Variants in PTN observed in about 807,000 individuals in gnomAD.
The protein encoded by PTN is heparin affin regulatory protein.
A neutral mutation model predicts 24.1 loss-of-function variants in PTN; 18 were observed. That is an observed-to-expected ratio of 0.75 (90% CI 0.52 to 1.11). PTN has a LOEUF of 1.11. Ranked by LOEUF, PTN falls within the 50% of genes least tolerant of loss-of-function variation. PTN has a pLI of 0.00. For missense variants in PTN, 163 were observed against 198.8 expected (o/e 0.82, Z 1.08); for synonymous variants, 78 against 68.6 (o/e 1.14, Z -0.67).
intron 1 of PTN, among the ~76,000 whole-genome samples, chr7:137,322,363 T>A (rs1810177519): frequency 2.6e-5 from 4 of 152,186 alleles, no homozygotes; most frequent in South Asian, 2.1e-4. Flanking sequence ...TATAGTTATT[T>A]TTTAGGAGTG....
intron 4 of PTN, among the ~76,000 whole-genome samples, chr7:137,242,059 G>A (rs1443623188): frequency 6.6e-6 from 1 of 152,130 alleles, no homozygotes; most frequent in East Asian, 1.9e-4. Flanking sequence ...AATGTTGGGG[G>A]GAACTTCTTT....
intron 4 of PTN, among the ~76,000 whole-genome samples, chr7:137,228,363 T>C (rs1228469342): frequency 6.6e-6 from 1 of 151,800 alleles, no homozygotes; most frequent in African/African-American, 2.4e-5. Flanking sequence ...GTTATCTTAC[T>C]GGTTGCCTTT....
intron 1 of PTN, chr7:137,326,516 A>C (rs1282462044): frequency 6.6e-6 from 1 of 152,188 alleles, no homozygotes; most frequent in East Asian, 1.9e-4. Context: ...TCATTTATTT[A>C]TTCATTCATC....
intron 1 of PTN, among the ~76,000 whole-genome samples, chr7:137,340,473 T>C (rs1810516688): frequency 6.6e-6 from 1 of 152,146 alleles, no homozygotes; most frequent in African/African-American, 2.4e-5. Flanking sequence ...GAATTGTCCA[T>C]AAACATCAGA....
chr7:137,264,686 C>A (rs1809106286), intron 1 of PTN, among the ~76,000 whole-genome samples: 1 of 152,206 alleles, frequency 6.6e-6, no homozygotes, highest in African/African-American at 2.4e-5. Flanking sequence ...GTGTTGCAAA[C>A]TTCGACGGTT....
chr7:137,230,017 C>T (rs1808400968), intron 4 of PTN, among the ~76,000 whole-genome samples: 1 of 151,752 alleles, frequency 6.6e-6, no homozygotes. Context: ...TCCTGGAAAA[C>T]CCTCAGGAAC....
At chr7:137,268,185 G>A (rs1417686564) in intron 1 of PTN, among the ~76,000 whole-genome samples, 1 of 152,046 alleles carries the variant, frequency 6.6e-6, no homozygotes, top group Non-Finnish European at 1.5e-5. Flanking sequence ...CTCTGGCGAG[G>A]CATCCCACCG....
In PTN at chr7:137,227,902, C is replaced by T. The variant is rs1808360995; in HGVS notation, c.*118G>A. ...AAATTTTCTTTTCTTTTTGTTTTTG[C>T]TTATTGTGTACTTAGCTATAGATAA... On this transcript the variant is annotated 3_prime_UTR_variant, in exon 5 of 5. Transcript: ENST00000348225. 3 of 1,376,710 alleles carry T rather than the reference C, an allele frequency of 2.2e-6. No individual in the cohort carries two copies. 85.3% of individuals were successfully genotyped at this position (1,376,710 alleles called of 1,614,324 possible). A position where few individuals can be genotyped will look rare whatever the true frequency, so the allele number is the denominator to read the frequency against.
At chr7:137,253,732 CTG>C in intron 2 of PTN, 95 bp from the exon 3 acceptor site, 1 of 1,123,446 alleles carries the variant, frequency 8.9e-7, no homozygotes, top group Non-Finnish European at 1.2e-6. Context: ...ATTGCAGGAT[CTG>C]TGTTTTTTAA....
At chr7:137,273,465 C>T (rs1306844932) in intron 1 of PTN, among the ~76,000 whole-genome samples, 1 of 152,110 alleles carries the variant, frequency 6.6e-6, no homozygotes, top group East Asian at 1.9e-4. Flanking sequence ...GGAAATTTAC[C>T]AACATGGCTG....
chr7:137,228,117 A>C, intron 4 of PTN, 42 bp from the exon 5 acceptor site: 1 of 1,273,548 alleles, frequency 7.9e-7, no homozygotes, highest in Non-Finnish European at 1.1e-6. Flanking sequence ...AGAAAGAGAA[A>C]AATGTCAAGT....
intron 1 of PTN, among the ~76,000 whole-genome samples, chr7:137,319,817 C>T (rs1181040481): frequency 6.6e-6 from 1 of 152,168 alleles, no homozygotes; most frequent in Non-Finnish European, 1.5e-5. Flanking sequence ...GACTCCTTGA[C>T]GTTATGGTCT....
intron 1 of PTN, among the ~76,000 whole-genome samples, chr7:137,333,923 G>A: frequency 6.6e-6 from 1 of 151,940 alleles, no homozygotes; most frequent in Non-Finnish European, 1.5e-5. Flanking sequence ...ACAAACCTGA[G>A]AAAAACAAGC....
At chr7:137,281,737 A>G (rs1221034936) in intron 1 of PTN, among the ~76,000 whole-genome samples, 1 of 152,234 alleles carries the variant, frequency 6.6e-6, no homozygotes, top group African/African-American at 2.4e-5. Flanking sequence ...AGACACTTTT[A>G]AAGATATATA....
chr7:137,256,484 A>G (rs1279501340), intron 1 of PTN, among the ~76,000 whole-genome samples: 3 of 152,184 alleles, frequency 2.0e-5, no homozygotes, highest in Admixed American at 1.3e-4. Context: ...TGTCCCTGCA[A>G]AGGACATGAT....
chr7:137,312,627 A>G (rs1304054616), intron 1 of PTN, among the ~76,000 whole-genome samples: 1 of 152,164 alleles, frequency 6.6e-6, no homozygotes, highest in African/African-American at 2.4e-5. Flanking sequence ...TTATTGAAAA[A>G]TGTGAAGCTA....
chr7:137,243,494 C>T (rs770326656), intron 4 of PTN, among the ~76,000 whole-genome samples: 1 of 152,206 alleles, frequency 6.6e-6, no homozygotes, highest in African/African-American at 2.4e-5. Context: ...ATATACCCCA[C>T]CACATTCTGA....
rs564655227 is a variant in PTN, at chr7:137,343,715, C to G, written c.-278G>C. ...CAATTACGCCCTGACAGGGAGGGAA[C>G]GGAAGGGAAATGGAGAATGGGAGGG... On this transcript the variant is annotated 5_prime_UTR_variant, in exon 1 of 5. Coordinates refer to ENST00000348225, the MANE Select transcript of PTN (RefSeq NM_002825.7). The G allele has an allele frequency of 2.1e-6, 1 of 468,628 alleles. No homozygotes were observed. The highest frequency in any genetic ancestry group is 2.3e-5 in the Admixed American group (1 of 43,840). The allele number at this position is 468,628 out of a possible 1,614,324, so 29.0% of individuals were successfully genotyped here.
chr7:137,336,781 A>T (rs1364666077), intron 1 of PTN, among the ~76,000 whole-genome samples: 2 of 152,178 alleles, frequency 1.3e-5, no homozygotes, highest in African/African-American at 4.8e-5. Context: ...CTGCTTCACC[A>T]TGATCATCAT....
Sources: allele counts gnomAD v4.1 joint callset (sites outside exome capture counted in the v4.1 genomes callset), GRCh38; gene constraint gnomAD v4.1.1; transcripts MANE v1.5; gene names NCBI Gene and HGNC (gene_info 2026-07-23, HGNC 2026-07-21).